The following CNTNAP2 variants were observed in gnomAD, a reference collection of about 807,000 sequenced individuals.
CNTNAP2 encodes contactin-associated protein-like 2.
A neutral mutation model predicts 155.2 loss-of-function variants in CNTNAP2; 98 were observed. The observed-to-expected ratio is 0.63, with a 90% CI of 0.54 to 0.75. CNTNAP2 has a LOEUF of 0.75. Ranked by LOEUF, CNTNAP2 falls within the 30% of genes least tolerant of loss-of-function variation. CNTNAP2 has a pLI of 0.00. For synonymous variants in CNTNAP2, 651 were observed against 631.2 expected, an observed-to-expected ratio of 1.03 and a Z score of -0.47; for missense variants, 1,727 against 1,688.1, an observed-to-expected ratio of 1.02 and a Z score of -0.40.
At chr7:148,369,581 C>T (rs1798850654) in intron 21 of CNTNAP2, among the ~76,000 whole-genome samples, 1 of 151,470 alleles carries the variant, frequency 6.6e-6, no homozygotes, top group African/African-American at 2.4e-5. Flanking sequence ...GGAACCAAGG[C>T]CCAGTAGCAA....
At chr7:146,428,897 G>A (rs186011092) in intron 1 of CNTNAP2, among the ~76,000 whole-genome samples, 213 of 152,120 alleles carry the variant, frequency 1.4e-3, no homozygotes, top group Non-Finnish European at 2.1e-3. Flanking sequence ...TTATATTTTA[G>A]TATTTAATCT....
chr7:148,319,713 C>G, intron 21 of CNTNAP2, among the ~76,000 whole-genome samples: 1 of 151,726 alleles, frequency 6.6e-6, no homozygotes, highest in Admixed American at 6.6e-5. Context: ...GTTGCACACT[C>G]CTTATGAGAA....
Position 147,337,606 on chromosome 7 carries a change from A to C in CNTNAP2, c.1498+37316A>C, listed in dbSNP as rs766700240. Among the ~76,000 whole-genome samples the C allele has an allele frequency of 5.3e-4, 80 of 152,316 alleles. 1 individual carries two copies. Among genetic ancestry groups the C allele is most frequent in the Middle Eastern group, 3.4e-3 (1 of 294 alleles). On this transcript the variant is annotated intron_variant, in intron 9 of 23. Transcript: ENST00000361727. Reference sequence around the variant, plus strand: ...CCCTTTTAGAAAGTCAGCTGTAGTCATGAAAAGGAGTGATTCTAAGGTCTC... The same window carrying C: ...CCCTTTTAGAAAGTCAGCTGTAGTCCTGAAAAGGAGTGATTCTAAGGTCTC...
At chr7:146,768,233 A>G (rs1802231649) in intron 1 of CNTNAP2, among the ~76,000 whole-genome samples, 1 of 151,742 alleles carries the variant, frequency 6.6e-6, no homozygotes, top group African/African-American at 2.4e-5. Flanking sequence ...GTTCCTTATG[A>G]CTAAAACTAT....
At chr7:146,269,613 T>C (rs945634991) in intron 1 of CNTNAP2, among the ~76,000 whole-genome samples, 1 of 152,238 alleles carries the variant, frequency 6.6e-6, no homozygotes, top group Non-Finnish European at 1.5e-5. Context: ...ACAATGATAC[T>C]GTATTTTACT....
intron 1 of CNTNAP2, among the ~76,000 whole-genome samples, chr7:146,483,316 T>A (rs1381689756): frequency 1.8e-4 from 16 of 89,746 alleles, no homozygotes; most frequent in Non-Finnish European, 2.7e-4. Context: ...TATATATATA[T>A]ATATATATAT....
At chr7:148,260,812 CAG>C (rs987460610) in intron 20 of CNTNAP2, among the ~76,000 whole-genome samples, 2 of 152,104 alleles carry the variant, frequency 1.3e-5, no homozygotes, top group African/African-American at 2.4e-5. Context: ...GAGAGACTAA[CAG>C]AGGAAACGCA....
chr7:146,458,911 G>C (rs73462739), intron 1 of CNTNAP2, among the ~76,000 whole-genome samples: 4,168 of 152,138 alleles, frequency 0.027, 141 homozygotes, highest in African/African-American at 0.074. Flanking sequence ...TATAATATGT[G>C]TATTTCTCTC....
chr7:147,150,693 T>G (rs1801808123), intron 8 of CNTNAP2, among the ~76,000 whole-genome samples: 2 of 152,216 alleles, frequency 1.3e-5, no homozygotes, highest in Non-Finnish European at 2.9e-5. Flanking sequence ...TTATGAATGT[T>G]GATTTATTGT....
In CNTNAP2 at chr7:147,127,435, G is replaced by C. The variant is rs150187868; in HGVS notation, c.940-1258G>C. On this transcript the variant is annotated intron_variant, in intron 6 of 23. Coordinates refer to ENST00000361727, the MANE Select transcript of CNTNAP2 (RefSeq NM_014141.6). ...ACAATTTGTGTTTCCCCCCCTAAAA[G>C]TACTTAAGCATTTAAGATGCCATAA... 9.2e-3 allele frequency among the ~76,000 whole-genome samples: 1,380 copies of C among 150,632 alleles called. 26 individuals carry two copies. Among genetic ancestry groups the C allele is most frequent in the African/African-American group, 0.031 (1,288 of 40,984 alleles).
intron 1 of CNTNAP2, among the ~76,000 whole-genome samples, chr7:146,597,141 C>T (rs1798873989): frequency 6.6e-6 from 1 of 151,974 alleles, no homozygotes; most frequent in Non-Finnish European, 1.5e-5. Flanking sequence ...CTGGATAGAA[C>T]TTCATAGGAG....
chr7:146,483,046 G>C (rs945898610), intron 1 of CNTNAP2, among the ~76,000 whole-genome samples: 4 of 151,252 alleles, frequency 2.6e-5, no homozygotes, highest in African/African-American at 9.7e-5. Flanking sequence ...GGAGGCCGAG[G>C]CAGGCGGATC....
chr7:147,963,519 A>G (rs2373279), intron 14 of CNTNAP2, among the ~76,000 whole-genome samples: 3,748 of 152,270 alleles, frequency 0.025, 167 homozygotes, highest in African/African-American at 0.085. Context: ...AAAAGGGCGC[A>G]ACATGTACAA....
In CNTNAP2 at chr7:148,047,542, A is replaced by T. The variant is rs867664287; in HGVS notation, c.2383+69553A>T. On this transcript the variant is annotated intron_variant, in intron 15 of 23. Transcript: ENST00000361727. ...CATTTGAAACAGTAATATCACCAATAAAAAAAAAGCACAAAAATGTCAGGG... is the reference window on the plus strand; with the variant it reads ...CATTTGAAACAGTAATATCACCAATTAAAAAAAAGCACAAAAATGTCAGGG... 3.3e-5 allele frequency among the ~76,000 whole-genome samples: 5 copies of T among 150,352 alleles called. No individual in the cohort carries two copies. The South Asian group carries it at 6.3e-4, about 19-fold the overall frequency.
chr7:146,934,056 A>G (rs902300211), intron 3 of CNTNAP2, among the ~76,000 whole-genome samples: 1 of 152,162 alleles, frequency 6.6e-6, no homozygotes, highest in Non-Finnish European at 1.5e-5. Context: ...ATCTAGAACT[A>G]GAAATACCAT....
At chr7:147,398,717 T>A (rs1010666124) in intron 10 of CNTNAP2, among the ~76,000 whole-genome samples, 1 of 145,070 alleles carries the variant, frequency 6.9e-6, no homozygotes, top group South Asian at 2.3e-4. Flanking sequence ...AATTATGCAT[T>A]CAGTATTTAT....
chr7:146,644,366 G>A (rs555887686), intron 1 of CNTNAP2, among the ~76,000 whole-genome samples: 1 of 152,038 alleles, frequency 6.6e-6, no homozygotes, highest in Non-Finnish European at 1.5e-5. Flanking sequence ...TAGCATGAAG[G>A]GTTGTTGAAT....
At chr7:146,539,344 T>A (rs1480262295) in intron 1 of CNTNAP2, among the ~76,000 whole-genome samples, 3 of 151,936 alleles carry the variant, frequency 2.0e-5, no homozygotes, top group African/African-American at 7.3e-5. Context: ...TTTGCAAGCA[T>A]TTTAGCCTCT....
intron 9 of CNTNAP2, among the ~76,000 whole-genome samples, chr7:147,305,440 A>G (rs7789798): frequency 0.025 from 3,836 of 152,254 alleles, 173 homozygotes; most frequent in African/African-American, 0.088. Context: ...CCTCCCAGAT[A>G]GTTTCCCAGA....
Sources: gnomAD v4.1 joint callset for allele counts (sites outside exome capture counted in the v4.1 genomes callset) on GRCh38, gnomAD v4.1.1 for gene constraint, MANE v1.5 for transcripts, NCBI Gene and HGNC (gene_info 2026-07-23, HGNC 2026-07-21) for gene names.